Variants in BTBD9 observed in about 807,000 individuals in gnomAD.
BTBD9 encodes BTB/POZ domain-containing protein 9.
Under a neutral mutation model 64.3 loss-of-function variants are expected in BTBD9, and 49 were observed. The ratio of observed to expected loss-of-function variants is 0.76; its 90% CI spans 0.61 to 0.97. The LOEUF is 0.97. BTBD9 is among the 50% of genes least tolerant of loss of function. The pLI is 0.00. For synonymous variants in BTBD9, 260 were observed against 274.7 expected, an observed-to-expected ratio of 0.95 and a Z score of 0.53; for missense variants, 598 against 762.1, an observed-to-expected ratio of 0.78 and a Z score of 2.53.
intron 6 of BTBD9, among the ~76,000 whole-genome samples, chr6:38,520,815 C>T (rs193202958): frequency 1.3e-5 from 2 of 151,910 alleles, no homozygotes; most frequent in East Asian, 3.9e-4. Flanking sequence ...GGCCTGGTGG[C>T]GCATGCTTGT....
At chr6:38,353,390 A>C (rs570569059) in intron 6 of BTBD9, among the ~76,000 whole-genome samples, 2 of 151,910 alleles carry the variant, frequency 1.3e-5, no homozygotes, top group African/African-American at 4.8e-5. Flanking sequence ...TGAAAAATGA[A>C]TAAGGGAGAG....
intron 6 of BTBD9, among the ~76,000 whole-genome samples, chr6:38,420,276 T>C (rs1767844602): frequency 6.6e-6 from 1 of 152,166 alleles, no homozygotes; most frequent in African/African-American, 2.4e-5. Flanking sequence ...ATAAGAGTTA[T>C]TGTGCATATT....
chr6:38,199,680 T>C (rs906799886), intron 9 of BTBD9, among the ~76,000 whole-genome samples: 1 of 152,190 alleles, frequency 6.6e-6, no homozygotes, highest in African/African-American at 2.4e-5. Context: ...CCTACACAAC[T>C]GGAGGACACA....
At chr6:38,465,742 T>C (rs1172140006) in intron 6 of BTBD9, among the ~76,000 whole-genome samples, 3 of 49,290 alleles carry the variant, frequency 6.1e-5, no homozygotes, top group African/African-American at 2.1e-4. Flanking sequence ...TATATATATA[T>C]ATATATATAT....
intron 4 of BTBD9, among the ~76,000 whole-genome samples, chr6:38,586,796 C>T (rs1776551176): frequency 6.6e-6 from 1 of 151,812 alleles, no homozygotes; most frequent in South Asian, 2.1e-4. Flanking sequence ...GGCGTGGTGG[C>T]TCATGCCTGT....
intron 6 of BTBD9, among the ~76,000 whole-genome samples, chr6:38,436,846 C>T (rs1768765610): frequency 6.6e-6 from 1 of 152,196 alleles, no homozygotes; most frequent in Non-Finnish European, 1.5e-5. Context: ...ATTCAAGTCA[C>T]AGAGTGAGTT....
intron 9 of BTBD9, among the ~76,000 whole-genome samples, chr6:38,222,544 C>A (rs1215530038): frequency 6.6e-6 from 1 of 152,036 alleles, no homozygotes; most frequent in African/African-American, 2.4e-5. Flanking sequence ...CAGGCATGAA[C>A]CACTGCGCCA....
In BTBD9 at chr6:38,594,056, A is replaced by C. The variant is rs760774485; in HGVS notation, c.457T>G (p.Ser153Ala). The change falls in exon 3 of 11, where the codon TCA becomes GCA. Residue 153 changes from serine to alanine, a missense_variant. Coordinates refer to ENST00000481247, the MANE Select transcript of BTBD9 (RefSeq NM_001099272.2). The stretch of plus-strand genomic sequence containing the variant: ...CACATACAAGTTAACTTGGGAAGTG[A>C]GTAGAGACTGGCAACATCAAAAGTC... ...CMTFDVASLY[S>A]LPKLTCMCCM... The C allele has an allele frequency of 1.2e-6, 2 of 1,614,178 alleles. No homozygotes were observed. The highest frequency in any genetic ancestry group is 1.7e-6 in the Non-Finnish European group (2 of 1,179,988).
intron 9 of BTBD9, among the ~76,000 whole-genome samples, chr6:38,234,193 C>G (rs1163335059): frequency 7.2e-6 from 1 of 139,752 alleles, no homozygotes; most frequent in East Asian, 1.9e-4. Context: ...CTATATGACT[C>G]TATTTCTTTC....
chr6:38,518,392 G>T (rs1201149447), intron 6 of BTBD9, among the ~76,000 whole-genome samples: 2 of 152,218 alleles, frequency 1.3e-5, no homozygotes, highest in East Asian at 3.8e-4. Flanking sequence ...TGACTGATAT[G>T]CGAGTGATAA....
chr6:38,180,787 G>A (rs369358590), intron 10 of BTBD9, among the ~76,000 whole-genome samples: 2 of 152,190 alleles, frequency 1.3e-5, no homozygotes, highest in African/African-American at 4.8e-5. Flanking sequence ...ACAAAGGGGC[G>A]CCTTCGCTGA....
chr6:38,404,903 G>A (rs891467309), intron 6 of BTBD9, among the ~76,000 whole-genome samples: 4 of 152,128 alleles, frequency 2.6e-5, no homozygotes, highest in African/African-American at 9.7e-5. Context: ...ATCTCTTCAG[G>A]TTAGAGCCCT....
intron 6 of BTBD9, among the ~76,000 whole-genome samples, chr6:38,545,224 TG>T (rs1774479481): frequency 1.3e-5 from 2 of 151,948 alleles, no homozygotes; most frequent in African/African-American, 4.8e-5. Context: ...CCCAAGTAGC[TG>T]GGATTACAGG....
chr6:38,360,860 G>A (rs1764925629), intron 6 of BTBD9, among the ~76,000 whole-genome samples: 1 of 152,112 alleles, frequency 6.6e-6, no homozygotes, highest in Admixed American at 6.6e-5. Flanking sequence ...GTCAAAAGAG[G>A]GATTTGTTTT....
At chr6:38,397,486 A>C (rs1235101542) in intron 6 of BTBD9, among the ~76,000 whole-genome samples, 1 of 152,200 alleles carries the variant, frequency 6.6e-6, no homozygotes, top group Non-Finnish European at 1.5e-5. Flanking sequence ...AGAACTTCAA[A>C]AGAAGAACAT....
intron 6 of BTBD9, among the ~76,000 whole-genome samples, chr6:38,427,358 A>G (rs1044908979): frequency 6.6e-6 from 1 of 151,926 alleles, no homozygotes. Flanking sequence ...TACCGATAGC[A>G]GATGCACCCC....
chr6:38,339,985 G>A (rs1764038175), intron 7 of BTBD9, among the ~76,000 whole-genome samples: 2 of 152,126 alleles, frequency 1.3e-5, no homozygotes, highest in South Asian at 4.1e-4. Flanking sequence ...ATGGTTCATA[G>A]CTGTTATGTA....
chr6:38,592,763 C>T lies in BTBD9; in HGVS notation c.627G>A (p.Trp209Ter), dbSNP rs1430187514. ...GATTCTCCTTTGAATTGTGCTTACA[C>T]CAGTTTAATAAGGCTAGGAAAATAT... ...EKDIFLALLN[W>*]CKHNSKENHA... The change falls in exon 4 of 11, where the codon TGG becomes TGA. Residue 209 changes from tryptophan to a stop codon, truncating the protein, a stop_gained. Coordinates refer to ENST00000481247, the MANE Select transcript of BTBD9 (RefSeq NM_001099272.2). LOFTEE classifies it high-confidence loss of function. 2 of 1,614,042 alleles carry T rather than the reference C, an allele frequency of 1.2e-6. No homozygotes were observed. Among genetic ancestry groups the T allele is most frequent in the African/African-American group, 1.3e-5 (1 of 74,926 alleles).
chr6:38,450,557 A>T (rs1257389945), intron 6 of BTBD9, among the ~76,000 whole-genome samples: 1 of 152,038 alleles, frequency 6.6e-6, no homozygotes, highest in African/African-American at 2.4e-5. Flanking sequence ...AAAAAGAAAG[A>T]AAAAAAAGAA....
Sources: gnomAD v4.1 joint callset for allele counts (sites outside exome capture counted in the v4.1 genomes callset) on GRCh38, gnomAD v4.1.1 for gene constraint, MANE v1.5 for transcripts, NCBI Gene and HGNC (gene_info 2026-07-23, HGNC 2026-07-21) for gene names.